Variants in PATJ observed in about 807,000 individuals in gnomAD.
PATJ encodes PATJ crumbs cell polarity complex component.
A neutral mutation model predicts 224.9 loss-of-function variants in PATJ; 190 were observed. That is an observed-to-expected ratio of 0.84 (90% CI 0.75 to 0.95). PATJ has a LOEUF of 0.95. Among genes scored for constraint, PATJ ranks in the 40% least tolerant of loss-of-function variants. PATJ has a pLI of 0.00. For missense variants in PATJ, 2,121 were observed against 2,270.3 expected (o/e 0.93, Z 1.34); for synonymous variants, 769 against 820.3 (o/e 0.94, Z 1.07).
chr1:61,879,579 G>A (rs574039559), intron 21 of PATJ, among the ~76,000 whole-genome samples: 1 of 149,528 alleles, frequency 6.7e-6, no homozygotes, highest in Non-Finnish European at 1.5e-5. Flanking sequence ...GAAAAAATAA[G>A]GCTCACAGGA....
At chr1:61,983,859 C>CT (rs1328176654) in intron 27 of PATJ, among the ~76,000 whole-genome samples, 1 of 151,990 alleles carries the variant, frequency 6.6e-6, no homozygotes, top group Non-Finnish European at 1.5e-5. Flanking sequence ...GGGTCTTGCT[C>CT]TGTCACCCAG....
chr1:61,914,354 G>A (rs1024979940), intron 25 of PATJ, among the ~76,000 whole-genome samples: 7 of 152,170 alleles, frequency 4.6e-5, no homozygotes, highest in African/African-American at 1.7e-4. Flanking sequence ...TACTCAGGAG[G>A]CTGAGGCTGG....
chr1:62,116,714 CAACTGAAGTCCAGTGGG>C, intron 36 of PATJ, 35 bp downstream of exon 36: 1 of 1,582,898 alleles, frequency 6.3e-7, no homozygotes, highest in South Asian at 1.1e-5. Context: ...CCAGCTGGCA[CAACTGAAGTCCAGTGGG>C]AACTGTTCCA....
intron 39 of PATJ, among the ~76,000 whole-genome samples, chr1:62,127,614 T>C (rs1279771932): frequency 6.6e-6 from 1 of 152,106 alleles, no homozygotes; most frequent in Non-Finnish European, 1.5e-5. Flanking sequence ...GAGACCTGCC[T>C]GGCCAACATG....
chr1:62,098,566 G>A (rs1459730061), intron 33 of PATJ, among the ~76,000 whole-genome samples: 1 of 151,216 alleles, frequency 6.6e-6, no homozygotes, highest in Non-Finnish European at 1.5e-5. Context: ...TTGCACTCCA[G>A]TCTGGATAAC....
intron 25 of PATJ, among the ~76,000 whole-genome samples, chr1:61,911,493 C>T (rs1321666975): frequency 1.3e-5 from 2 of 151,886 alleles, no homozygotes; most frequent in South Asian, 4.2e-4. Flanking sequence ...CCGCACCTAG[C>T]CACCAATACA....
chr1:62,005,579 G>C (rs1646042799), intron 28 of PATJ, among the ~76,000 whole-genome samples: 2 of 152,034 alleles, frequency 1.3e-5, no homozygotes, highest in South Asian at 4.2e-4. Flanking sequence ...CCCTGGGCAA[G>C]ATAGCAAGAC....
chr1:61,949,513 A>G (rs1167354450), intron 27 of PATJ, among the ~76,000 whole-genome samples: 4 of 152,248 alleles, frequency 2.6e-5, no homozygotes, highest in Non-Finnish European at 5.9e-5. Context: ...TTCAAAGTTA[A>G]ATATAATTTT....
intron 14 of PATJ, among the ~76,000 whole-genome samples, chr1:61,822,553 C>T (rs538963946): frequency 2.0e-5 from 3 of 152,162 alleles, no homozygotes; most frequent in Non-Finnish European, 2.9e-5. Context: ...GGCTTCCTGC[C>T]ATGGTATTTA....
chr1:61,938,835 GA>G (rs1289658948), intron 27 of PATJ, among the ~76,000 whole-genome samples: 1 of 152,062 alleles, frequency 6.6e-6, no homozygotes, highest in African/African-American at 2.4e-5. Context: ...AAATAAGATA[GA>G]TGATTCAATA....
chr1:61,989,655 G>A (rs747621297), intron 27 of PATJ, among the ~76,000 whole-genome samples: 5 of 151,994 alleles, frequency 3.3e-5, no homozygotes, highest in African/African-American at 7.3e-5. Flanking sequence ...CCTTTTTAGT[G>A]CGGGTGGGTT....
At chr1:61,906,932 G>T (rs1671938770) in intron 24 of PATJ, among the ~76,000 whole-genome samples, 2 of 152,118 alleles carry the variant, frequency 1.3e-5, no homozygotes, top group African/African-American at 4.8e-5. Flanking sequence ...TTTAATTGTA[G>T]TTCCCAAAAT....
chr1:61,904,524 C>T (rs1367174520), intron 24 of PATJ, among the ~76,000 whole-genome samples: 1 of 152,192 alleles, frequency 6.6e-6, no homozygotes, highest in African/African-American at 2.4e-5. Flanking sequence ...GCATATGCAC[C>T]ACCACAATTG....
chr1:61,796,144 G>C (rs572689667), intron 10 of PATJ, among the ~76,000 whole-genome samples: 5 of 152,240 alleles, frequency 3.3e-5, no homozygotes, highest in African/African-American at 9.6e-5. Flanking sequence ...GGTATGCTTT[G>C]AATCCTTGTC....
At position 62,052,686 on chromosome 1, in the gene PATJ, G is replaced by A. The variant is rs538412903; in HGVS notation, c.4125+1628G>A. On this transcript the variant is annotated intron_variant, in intron 31 of 43. Transcript: ENST00000642238. Reference sequence around the variant, plus strand: ...GAACCCAGGGGGAGGCAGAGGTTGCGGTGAGCCAAGATCACGCCATTGCAC... The same window carrying A: ...GAACCCAGGGGGAGGCAGAGGTTGCAGTGAGCCAAGATCACGCCATTGCAC... Among the ~76,000 whole-genome samples the A allele has an allele frequency of 2.1e-3, 312 of 151,784 alleles. 2 individuals are homozygous for A. Among genetic ancestry groups the A allele is most frequent in the African/African-American group, 7.4e-3 (306 of 41,402 alleles).
intron 30 of PATJ, among the ~76,000 whole-genome samples, chr1:62,048,506 A>T (rs1558092257): frequency 7.1e-6 from 1 of 140,020 alleles, no homozygotes; most frequent in Non-Finnish European, 1.5e-5. Flanking sequence ...AGATCGTGCC[A>T]CTGCATTCTA....
chr1:61,788,033 T>C (rs537767438), intron 8 of PATJ, 61 bp downstream of exon 8: 57 of 1,344,568 alleles, frequency 4.2e-5, no homozygotes, highest in Middle Eastern at 5.3e-4. Context: ...CACTGTAAGA[T>C]AAGAAATTCT....
chr1:61,786,725 C>T (rs1306554094), intron 7 of PATJ, among the ~76,000 whole-genome samples: 1 of 152,124 alleles, frequency 6.6e-6, no homozygotes, highest in African/African-American at 2.4e-5. Context: ...GGCGCAGTGG[C>T]TTATGCCTGT....
chr1:62,074,543 C>T (rs538808651), intron 31 of PATJ, among the ~76,000 whole-genome samples: 8 of 152,172 alleles, frequency 5.3e-5, no homozygotes, highest in African/African-American at 1.4e-4. Context: ...AAGCAGTCCT[C>T]GCACCTCAGC....
Sources: allele counts gnomAD v4.1 joint callset (sites outside exome capture counted in the v4.1 genomes callset), GRCh38; gene constraint gnomAD v4.1.1; transcripts MANE v1.5; gene names NCBI Gene and HGNC (gene_info 2026-07-23, HGNC 2026-07-21).